ARL13B: variants seen among roughly 807,000 people sequenced by gnomAD.
ARL13B encodes ARF like GTPase 13B.
Under a neutral mutation model 56.1 loss-of-function variants are expected in ARL13B, and 36 were observed. The ratio of observed to expected loss-of-function variants is 0.64; its 90% CI spans 0.49 to 0.85. The LOEUF is 0.85. ARL13B is among the 40% of genes least tolerant of loss of function. ARL13B has a pLI of 0.00. For missense variants in ARL13B, 519 were observed against 507.1 expected, an observed-to-expected ratio of 1.02 and a Z score of -0.23; for synonymous variants, 178 against 171.1, an observed-to-expected ratio of 1.04 and a Z score of -0.32.
In ARL13B at chr3:94,009,122, T is replaced by TAGATA. The variant is rs779549562; in HGVS notation, c.380+5215_380+5216insGATAA. Among the ~76,000 whole-genome samples, 104 of 151,192 alleles carry TAGATA rather than the reference T, an allele frequency of 6.9e-4. 1 individual carries two copies. Among genetic ancestry groups the TAGATA allele is most frequent in the Middle Eastern group, 3.4e-3 (1 of 294 alleles). On this transcript the variant is annotated intron_variant, in intron 3 of 9. Transcript: ENST00000394222. ...ATAGATAGATAGATAGATAGATAGA[T>TAGATA]ATTCTTGACCCTGGTCTTTGCACCA... is the stretch of plus-strand genomic sequence containing the variant.
intron 2 of ARL13B, among the ~76,000 whole-genome samples, chr3:94,002,739 T>C (rs2076074231): frequency 6.6e-6 from 1 of 152,210 alleles, no homozygotes; most frequent in Non-Finnish European, 1.5e-5. Flanking sequence ...ACTATTTCAG[T>C]CACCTTAATT....
chr3:94,038,810 C>T (rs1275192284), intron 5 of ARL13B, among the ~76,000 whole-genome samples: 4 of 151,998 alleles, frequency 2.6e-5, no homozygotes, highest in East Asian at 1.9e-4. Flanking sequence ...CGTGAGCCAC[C>T]GCACCCGGCC....
chr3:94,037,222 C>T (rs2076784403), intron 5 of ARL13B, among the ~76,000 whole-genome samples: 1 of 152,152 alleles, frequency 6.6e-6, no homozygotes, highest in South Asian at 2.1e-4. Flanking sequence ...CTTAATATGT[C>T]AATAACGTTG....
Position 94,053,613 on chromosome 3 carries a change from A to G in ARL13B, c.*350A>G, listed in dbSNP as rs1239259846. 1 of 472,314 alleles carries G rather than the reference A, an allele frequency of 2.1e-6. No homozygotes were observed. The highest frequency in any genetic ancestry group is 2.0e-5 in the African/African-American group (1 of 50,892). 29.3% of individuals were successfully genotyped at this position (472,314 alleles called of 1,614,324 possible). On this transcript the variant is annotated 3_prime_UTR_variant, in exon 10 of 10. Transcript: ENST00000394222. ...CAGCACTTTCTTTACTATTTGTTCA[A>G]TAGCCTATATTTCTAGATATTAAAT...
Position 93,980,501 on chromosome 3 carries a change from T to C in ARL13B, c.59+19T>C. 2 of 1,608,526 alleles carry C rather than the reference T, an allele frequency of 1.2e-6. No individual in the cohort carries two copies. Among genetic ancestry groups the C allele is most frequent in the South Asian group, 1.1e-5 (1 of 91,072 alleles). On this transcript the variant is annotated intron_variant, in intron 1 of 9. Transcript: ENST00000394222. ...CTGTCAGGTAGGCTGGAGCCAGCTG[T>C]CCTGGCCGTCCTAGGGGTTGGAGAT...
At chr3:94,020,557 A>G (rs1010847173) in intron 3 of ARL13B, among the ~76,000 whole-genome samples, 9 of 152,298 alleles carry the variant, frequency 5.9e-5, no homozygotes, top group Non-Finnish European at 8.8e-5. Context: ...AAAAGAGGCA[A>G]TTAGGTCAGT....
intron 3 of ARL13B, among the ~76,000 whole-genome samples, chr3:94,027,131 AAAT>A (rs1185228532): frequency 6.6e-6 from 1 of 152,082 alleles, no homozygotes; most frequent in East Asian, 1.9e-4. Flanking sequence ...ACATTTCAAG[AAAT>A]ATGACCAGTT....
chr3:94,020,895 A>T (rs1166502169), intron 3 of ARL13B, among the ~76,000 whole-genome samples: 2 of 152,156 alleles, frequency 1.3e-5, no homozygotes, highest in Admixed American at 6.5e-5. Context: ...TTATGTAAAT[A>T]GGGGACTTCT....
In ARL13B at chr3:94,049,500, G is replaced by A. The variant is rs746618270; in HGVS notation, c.1119G>A (p.Thr373=). ...ATGACTGTGCTCCTGAGAGTCCAAC[G>A]CCACCCCCACCCCCTCCTCCTGGTG... The part of the protein sequence containing the change: ...NIDDCAPESP[T]PPPPPPPVGW... The change falls in exon 8 of 10, where the codon ACG becomes ACA. Residue 373 remains threonine (T), a synonymous_variant. Transcript: ENST00000394222. 1.2e-5 allele frequency: 20 copies of A among 1,604,546 alleles called. No individual in the cohort carries two copies. The highest frequency in any genetic ancestry group is 6.7e-5 in the Admixed American group (4 of 59,304).
At chr3:94,020,963 T>G (rs2076435607) in intron 3 of ARL13B, among the ~76,000 whole-genome samples, 1 of 152,038 alleles carries the variant, frequency 6.6e-6, no homozygotes, top group African/African-American at 2.4e-5. Flanking sequence ...GTCTATATTC[T>G]ACTTTACTGG....
At chr3:93,997,607 G>A (rs1270706371) in intron 2 of ARL13B, among the ~76,000 whole-genome samples, 2 of 152,194 alleles carry the variant, frequency 1.3e-5, no homozygotes, top group African/African-American at 4.8e-5. Flanking sequence ...GAGCTGAGTA[G>A]TAAATATTTT....
At chr3:93,988,435 G>T (rs1366873648) in intron 1 of ARL13B, among the ~76,000 whole-genome samples, 1 of 152,098 alleles carries the variant, frequency 6.6e-6, no homozygotes, top group East Asian at 1.9e-4. Context: ...CTATTCTCTG[G>T]TTTCACCAAA....
intron 1 of ARL13B, among the ~76,000 whole-genome samples, chr3:93,981,690 T>C (rs1710222935): frequency 6.6e-6 from 1 of 151,742 alleles, no homozygotes; most frequent in Admixed American, 6.6e-5. Flanking sequence ...GAGACCAGCC[T>C]GGTCAATATG....
intron 9 of ARL13B, among the ~76,000 whole-genome samples, chr3:94,051,903 T>C (rs1011850159): frequency 7.2e-5 from 11 of 152,056 alleles, no homozygotes; most frequent in Non-Finnish European, 5.9e-5. Context: ...TGATAATCGT[T>C]AGTGAAAATT....
intron 1 of ARL13B, among the ~76,000 whole-genome samples, chr3:93,983,354 A>T (rs1710304632): frequency 6.6e-6 from 1 of 152,108 alleles, no homozygotes. Flanking sequence ...ACTGAACCCC[A>T]CTTATTTGGG....
At chr3:93,987,112 T>C (rs1230905863) in intron 1 of ARL13B, among the ~76,000 whole-genome samples, 1 of 152,188 alleles carries the variant, frequency 6.6e-6, no homozygotes, top group African/African-American at 2.4e-5. Context: ...ATTTAAATGT[T>C]TTCTAAGTTC....
chr3:94,028,129 C>G (rs527478807), intron 3 of ARL13B, among the ~76,000 whole-genome samples: 8 of 151,982 alleles, frequency 5.3e-5, no homozygotes. Flanking sequence ...AAAATTTTTT[C>G]TTTCCTCTAA....
At chr3:94,010,035 A>C (rs2076198167) in intron 3 of ARL13B, among the ~76,000 whole-genome samples, 1 of 152,084 alleles carries the variant, frequency 6.6e-6, no homozygotes, top group Admixed American at 6.6e-5. Context: ...GACCTTCAAA[A>C]TTTTTGAGGG....
intron 6 of ARL13B, among the ~76,000 whole-genome samples, chr3:94,041,392 A>T (rs2076859456): frequency 6.6e-6 from 1 of 152,204 alleles, no homozygotes; most frequent in Non-Finnish European, 1.5e-5. Flanking sequence ...TACCCAGTTA[A>T]ATTCCAAAAG....
Sources: gnomAD v4.1 joint callset for allele counts (sites outside exome capture counted in the v4.1 genomes callset) on GRCh38, gnomAD v4.1.1 for gene constraint, MANE v1.5 for transcripts, NCBI Gene and HGNC (gene_info 2026-07-23, HGNC 2026-07-21) for gene names.